Variants in ARHGAP29 observed in about 807,000 individuals in gnomAD.
The protein encoded by ARHGAP29 is rho GTPase-activating protein 29.
A neutral mutation model predicts 122.6 loss-of-function variants in ARHGAP29; 43 were observed. The ratio of observed to expected loss-of-function variants is 0.35; its 90% CI spans 0.27 to 0.45. The LOEUF is 0.45. Ranked by LOEUF, ARHGAP29 falls within the 20% of genes least tolerant of loss-of-function variation. ARHGAP29 has a pLI of 1.00. For synonymous variants in ARHGAP29, 506 were observed against 497.1 expected, an observed-to-expected ratio of 1.02 and a Z score of -0.24; for missense variants, 1,303 against 1,477.2, an observed-to-expected ratio of 0.88 and a Z score of 1.93.
intron 12 of ARHGAP29, chr1:94,195,270 A>C (rs1557851383): frequency 2.6e-5 from 4 of 152,202 alleles, no homozygotes; most frequent in Non-Finnish European, 5.9e-5. Context: ...TGGTGATTGG[A>C]CCCATGGGCC....
At chr1:94,272,261 C>G (rs1340965066) in intron 1 of ARHGAP29, among the ~76,000 whole-genome samples, 1 of 152,192 alleles carries the variant, frequency 6.6e-6, no homozygotes, top group Non-Finnish European at 1.5e-5. Flanking sequence ...CTAAGACTAA[C>G]TGCGGAGATG....
chr1:94,223,759 G>A (rs1652458355), intron 2 of ARHGAP29, among the ~76,000 whole-genome samples: 1 of 151,478 alleles, frequency 6.6e-6, no homozygotes, highest in South Asian at 2.1e-4. Flanking sequence ...GGAAACTTCT[G>A]GGAAAATAAT....
chr1:94,185,516 T>C (rs1369506280), intron 16 of ARHGAP29, 35 bp from the exon 17 acceptor site: 4 of 1,541,854 alleles, frequency 2.6e-6, no homozygotes, highest in African/African-American at 2.8e-5. Context: ...AATTGTAAAA[T>C]GATAGAAAAA....
chr1:94,187,170 G>C (rs1008872764), intron 15 of ARHGAP29, among the ~76,000 whole-genome samples: 6 of 152,208 alleles, frequency 3.9e-5, no homozygotes, highest in Non-Finnish European at 8.8e-5. Flanking sequence ...GTCAGCAAAG[G>C]ACACTGCCAT....
chr1:94,244,204 CAA>C (rs548921306), intron 1 of ARHGAP29, among the ~76,000 whole-genome samples: 1 of 137,856 alleles, frequency 7.3e-6, no homozygotes, highest in Non-Finnish European at 1.6e-5. Flanking sequence ...AAGACATTAC[CAA>C]AAAAAAAAAC....
chr1:94,197,051 G>T (rs1024864827), intron 12 of ARHGAP29, among the ~76,000 whole-genome samples: 12 of 151,914 alleles, frequency 7.9e-5, no homozygotes, highest in African/African-American at 2.7e-4. Flanking sequence ...TTAAGAAAAA[G>T]AAAAACTGAT....
chr1:94,253,636 A>ACGCACGCACG (rs1553214897), intron 1 of ARHGAP29, among the ~76,000 whole-genome samples: 7 of 149,232 alleles, frequency 4.7e-5, no homozygotes, highest in Non-Finnish European at 1.0e-4. Flanking sequence ...TCTGGAACAC[A>ACGCACGCACG]CACGCACGCA....
At chr1:94,272,839 A>G (rs1420982709) in intron 1 of ARHGAP29, among the ~76,000 whole-genome samples, 4 of 152,126 alleles carry the variant, frequency 2.6e-5, no homozygotes, top group Non-Finnish European at 5.9e-5. Flanking sequence ...TGCGTGTCTA[A>G]TTCCTTTTTG....
chr1:94,264,065 G>T (rs551316593), intron 1 of ARHGAP29, among the ~76,000 whole-genome samples: 12 of 152,114 alleles, frequency 7.9e-5, no homozygotes, highest in African/African-American at 1.7e-4. Flanking sequence ...TGGGTCAAAG[G>T]CTGGGTATAT....
rs187529803 is a variant in ARHGAP29, at chr1:94,210,445, G to C, written c.341-1095C>G. The stretch of plus-strand genomic sequence containing the variant: ...GTGATTCTAATACACAACGAGAGTT[G>C]GAAAGCAAGAATTCCTAGGCAGGAG... On this transcript the variant is annotated intron_variant, in intron 3 of 22. Transcript: ENST00000260526. Among the ~76,000 whole-genome samples, 6 of 152,238 alleles carry C rather than the reference G, an allele frequency of 3.9e-5. No homozygotes were observed. The East Asian group carries it at 1.2e-3, about 29-fold the overall frequency.
intron 3 of ARHGAP29, among the ~76,000 whole-genome samples, chr1:94,215,288 T>C (rs971258169): frequency 9.9e-5 from 15 of 150,962 alleles, no homozygotes; most frequent in African/African-American, 3.6e-4. Flanking sequence ...ATTTAATCTA[T>C]AAATTTAACT....
In ARHGAP29 at chr1:94,173,952, C is replaced by T; in HGVS notation, c.3703G>A (p.Val1235Met). 1 of 1,614,236 alleles carries T rather than the reference C, an allele frequency of 6.2e-7. No homozygotes were observed. The highest frequency in any genetic ancestry group is 1.1e-5 in the South Asian group (1 of 91,086). Residue 1235 changes from valine to methionine, a missense_variant, in exon 23 of 23, where the codon GTG becomes ATG. Around this residue, in one of 3 missense-constraint regions of ARHGAP29, gnomAD observed 620 missense variants for 651.2 expected, o/e 0.95. Coordinates refer to ENST00000260526, the MANE Select transcript of ARHGAP29 (RefSeq NM_004815.4). The part of the protein sequence containing the change: ...EDSEELGLPD[V>M]NPMCQRPRLK... ...CTTGGTCTCTGACACATTGGATTCA[C>T]ATCAGGCAAGCCAAGCTCCTCAGAG...
chr1:94,227,605 C>T (rs1652681628), intron 2 of ARHGAP29, among the ~76,000 whole-genome samples: 1 of 151,626 alleles, frequency 6.6e-6, no homozygotes, highest in African/African-American at 2.4e-5. Context: ...TCTTTCTAGC[C>T]CAATTAAAAG....
chr1:94,215,999 C>A (rs1262045337), intron 3 of ARHGAP29, among the ~76,000 whole-genome samples: 1 of 152,174 alleles, frequency 6.6e-6, no homozygotes, highest in Non-Finnish European at 1.5e-5. Flanking sequence ...GCTGATACCA[C>A]TTTTCACTAT....
the ARHGAP29 span, among the ~76,000 whole-genome samples, chr1:94,283,033 T>C: frequency 6.6e-6 from 1 of 152,158 alleles, no homozygotes; most frequent in African/African-American, 2.4e-5. Context: ...TACCAAGTTA[T>C]AAAGTTTAGC....
At chr1:94,298,329 T>C in the ARHGAP29 span, among the ~76,000 whole-genome samples, 24 of 152,222 alleles carry the variant, frequency 1.6e-4, no homozygotes, top group African/African-American at 5.8e-4. Flanking sequence ...CTACATAATT[T>C]ATAGCTGTAC....
At chr1:94,201,400 A>T (rs1650834162) in intron 12 of ARHGAP29, among the ~76,000 whole-genome samples, 1 of 152,124 alleles carries the variant, frequency 6.6e-6, no homozygotes, top group Admixed American at 6.5e-5. Flanking sequence ...ATTGTAACTT[A>T]TCAGGCATAC....
At chr1:94,299,587 G>A in the ARHGAP29 span, among the ~76,000 whole-genome samples, 2 of 152,216 alleles carry the variant, frequency 1.3e-5, no homozygotes, top group African/African-American at 4.8e-5. Flanking sequence ...TTCGGTGGTG[G>A]GGGGGAACAG....
intron 12 of ARHGAP29, among the ~76,000 whole-genome samples, chr1:94,196,250 G>A (rs74466399): frequency 2.6e-5 from 1 of 39,094 alleles, no homozygotes; most frequent in Non-Finnish European, 5.6e-5. Flanking sequence ...ATTTTTCCGT[G>A]TTTTTCTTTT....
Sources: allele counts gnomAD v4.1 joint callset (sites outside exome capture counted in the v4.1 genomes callset), GRCh38; gene constraint gnomAD v4.1.1; regional missense constraint gnomAD v4.1.1; transcripts MANE v1.5; gene names NCBI Gene and HGNC (gene_info 2026-07-23, HGNC 2026-07-21).